The following ARHGAP15 variants were observed in gnomAD, a reference collection of about 807,000 sequenced individuals.
The protein encoded by ARHGAP15 is Rho GTPase activating protein 15, also known as rho GTPase-activating protein 15.
ARHGAP15 carries 51 observed loss-of-function variants against 63.7 expected under a neutral mutation model. The ratio of observed to expected loss-of-function variants is 0.80; its 90% CI spans 0.64 to 1.01. ARHGAP15 has a LOEUF of 1.01. Among genes scored for constraint, ARHGAP15 ranks in the 50% least tolerant of loss-of-function variants. The pLI, the probability that ARHGAP15 is intolerant of heterozygous loss-of-function variation, is 0.00. For synonymous variants in ARHGAP15, 191 were observed against 193.8 expected (o/e 0.99, Z 0.12); for missense variants, 560 against 564.6 (o/e 0.99, Z 0.08).
Position 143,361,699 on chromosome 2 carries a change from G to A in ARHGAP15, c.475-73902G>A, listed in dbSNP as rs377289258. 1.3e-3 allele frequency among the ~76,000 whole-genome samples: 191 copies of A among 152,098 alleles called. 1 individual carries two copies. Among genetic ancestry groups the A allele is most frequent in the African/African-American group, 4.5e-3 (185 of 41,492 alleles). ...TTTGGGATTTAAAAAAAAAAATTCT[G>A]CTTCCTCTTCTTTAGTTCAGGTTCT... On this transcript the variant is annotated intron_variant, in intron 6 of 13. Coordinates refer to ENST00000295095, the MANE Select transcript of ARHGAP15 (RefSeq NM_018460.4).
At chr2:143,546,086 CTG>C (rs2105061842) in intron 10 of ARHGAP15, among the ~76,000 whole-genome samples, 1 of 152,242 alleles carries the variant, frequency 6.6e-6, no homozygotes, top group Non-Finnish European at 1.5e-5. Flanking sequence ...AATGTGATGA[CTG>C]TGATTCAAGC....
chr2:143,756,813 T>C (rs1225657481), intron 13 of ARHGAP15, among the ~76,000 whole-genome samples: 1 of 152,218 alleles, frequency 6.6e-6, no homozygotes. Context: ...TGTGCAGATA[T>C]ATCCTTGGAT....
intron 12 of ARHGAP15, among the ~76,000 whole-genome samples, chr2:143,632,498 G>GT (rs1400652689): frequency 2.0e-5 from 3 of 151,866 alleles, no homozygotes; most frequent in Middle Eastern, 3.4e-3. Flanking sequence ...TAAATGCCTG[G>GT]TTTTTTTTAA....
chr2:143,736,171 G>A (rs960232175), intron 13 of ARHGAP15, among the ~76,000 whole-genome samples: 3 of 152,132 alleles, frequency 2.0e-5, no homozygotes, highest in Admixed American at 6.5e-5. Flanking sequence ...GAGGTCAGGA[G>A]TGGATCACCT....
chr2:143,283,752 C>T (rs1681967487), intron 6 of ARHGAP15, among the ~76,000 whole-genome samples: 1 of 152,188 alleles, frequency 6.6e-6, no homozygotes, highest in South Asian at 2.1e-4. Flanking sequence ...TAGATTTCAT[C>T]ACTCTTTCTC....
At chr2:143,149,264 C>T (rs531074521) in intron 1 of ARHGAP15, among the ~76,000 whole-genome samples, 56 of 151,996 alleles carry the variant, frequency 3.7e-4, no homozygotes, top group Non-Finnish European at 5.6e-4. Context: ...GGTGGACCTT[C>T]GCTCCTCGTG....
chr2:143,506,780 T>C (rs900695501), intron 9 of ARHGAP15, among the ~76,000 whole-genome samples: 13 of 152,182 alleles, frequency 8.5e-5, no homozygotes, highest in African/African-American at 2.9e-4. Flanking sequence ...AATCTTTAGA[T>C]AGAAATCGGT....
chr2:143,536,609 C>T (rs931906249), intron 10 of ARHGAP15, among the ~76,000 whole-genome samples: 51 of 149,034 alleles, frequency 3.4e-4, no homozygotes, highest in African/African-American at 4.2e-4. Flanking sequence ...CACCTATGAA[C>T]GAGAACATGC....
rs146729814 is a variant in ARHGAP15, at chr2:143,588,088, A to G, written c.1003+31603A>G. ...AATTGTCCCCCTAACAGAAGTTCTA[A>G]TAATATAAATTCCTCCCACTCATTA... On this transcript the variant is annotated intron_variant, in intron 11 of 13. Transcript: ENST00000295095. Among the ~76,000 whole-genome samples, 10 of 152,278 alleles carry G rather than the reference A, an allele frequency of 6.6e-5. No individual in the cohort carries two copies. In the East Asian group the frequency reaches 1.9e-3, roughly 29 times the overall value.
intron 6 of ARHGAP15, among the ~76,000 whole-genome samples, chr2:143,314,000 C>G (rs1263232018): frequency 6.6e-6 from 1 of 150,534 alleles, no homozygotes; most frequent in Non-Finnish European, 1.5e-5. Flanking sequence ...CATTTAGCCT[C>G]CAGCCTCCTT....
At chr2:143,469,966 T>TC (rs1491006886) in intron 8 of ARHGAP15, among the ~76,000 whole-genome samples, 1 of 149,524 alleles carries the variant, frequency 6.7e-6, no homozygotes, top group African/African-American at 2.4e-5. Context: ...TCTTTTTTTT[T>TC]CTCTCTCTCT....
intron 12 of ARHGAP15, among the ~76,000 whole-genome samples, chr2:143,641,580 T>C (rs992506769): frequency 6.6e-6 from 1 of 152,120 alleles, no homozygotes; most frequent in African/African-American, 2.4e-5. Context: ...GGTGGAAACC[T>C]GCAAGGAAGA....
chr2:143,664,353 T>A (rs567816117), intron 12 of ARHGAP15, among the ~76,000 whole-genome samples: 233 of 151,584 alleles, frequency 1.5e-3, no homozygotes, highest in African/African-American at 5.2e-3. Context: ...GAAATAAAGA[T>A]GTTCTTTGAA....
At chr2:143,532,059 T>C (rs528026215) in intron 10 of ARHGAP15, among the ~76,000 whole-genome samples, 1 of 152,330 alleles carries the variant, frequency 6.6e-6, no homozygotes, top group Admixed American at 6.5e-5. Context: ...ATATGTACTT[T>C]CCATACAGGA....
chr2:143,515,092 C>A (rs1001726508), intron 9 of ARHGAP15, among the ~76,000 whole-genome samples: 1 of 148,020 alleles, frequency 6.8e-6, no homozygotes, highest in African/African-American at 2.5e-5. Flanking sequence ...CCTATCACAC[C>A]CTTATCCTGA....
At chr2:143,136,019 T>A (rs376347631) in intron 1 of ARHGAP15, among the ~76,000 whole-genome samples, 1 of 152,240 alleles carries the variant, frequency 6.6e-6, no homozygotes, top group African/African-American at 2.4e-5. Flanking sequence ...GAGTATACAG[T>A]ACTCAAAGCA....
At chr2:143,654,434 A>G (rs1681329772) in intron 12 of ARHGAP15, among the ~76,000 whole-genome samples, 2 of 152,192 alleles carry the variant, frequency 1.3e-5, no homozygotes, top group Non-Finnish European at 2.9e-5. Context: ...ATTATCAGGT[A>G]TAGCACTGAT....
At chr2:143,321,094 C>A (rs1289707840) in intron 6 of ARHGAP15, among the ~76,000 whole-genome samples, 1 of 152,038 alleles carries the variant, frequency 6.6e-6, no homozygotes, top group Non-Finnish European at 1.5e-5. Context: ...TCTCAGGGCC[C>A]ACTACCATTT....
At chr2:143,580,298 A>G (rs1696843539) in intron 11 of ARHGAP15, among the ~76,000 whole-genome samples, 1 of 152,044 alleles carries the variant, frequency 6.6e-6, no homozygotes, top group Non-Finnish European at 1.5e-5. Context: ...TTAACTAAAG[A>G]TTTCCTGTAT....
Sources: allele counts gnomAD v4.1 joint callset (sites outside exome capture counted in the v4.1 genomes callset), GRCh38; gene constraint gnomAD v4.1.1; transcripts MANE v1.5; gene names NCBI Gene and HGNC (gene_info 2026-07-23, HGNC 2026-07-21).